The following KLHL5 variants were observed in gnomAD, a reference collection of about 807,000 sequenced individuals.
KLHL5 encodes kelch-like protein 5.
KLHL5 carries 48 observed loss-of-function variants against 77.7 expected under a neutral mutation model. The observed-to-expected ratio is 0.62, with a 90% confidence interval of 0.49 to 0.79. KLHL5 has a LOEUF of 0.79. Among genes scored for constraint, KLHL5 ranks in the 30% least tolerant of loss-of-function variants. KLHL5 has a pLI of 0.00. For synonymous variants in KLHL5, 260 were observed against 297.0 expected (o/e 0.88, Z 1.28); for missense variants, 723 against 859.7 (o/e 0.84, Z 1.99).
chr4:39,073,684 G>A (rs899931113), intron 1 of KLHL5, among the ~76,000 whole-genome samples: 23 of 151,598 alleles, frequency 1.5e-4, no homozygotes, highest in African/African-American at 3.6e-4. Context: ...TCACTCTGTC[G>A]CCCAGGCTGG....
At chr4:39,130,574 T>C (rs1723760977), downstream of KLHL5, among the ~76,000 whole-genome samples, 1 of 152,112 alleles carries the variant, frequency 6.6e-6, no homozygotes, top group South Asian at 2.1e-4. Context: ...TTAAAATACA[T>C]AGATGCCTGC....
In KLHL5 at chr4:39,072,261, G is replaced by A. The variant is rs112470899; in HGVS notation, c.384-3704G>A. Among the ~76,000 whole-genome samples the A allele has an allele frequency of 5.8e-3, 873 of 151,260 alleles. 9 individuals carry two copies. The highest frequency in any genetic ancestry group is 0.02 in the African/African-American group (828 of 40,604). On this transcript the variant is annotated intron_variant, in intron 1 of 10. Coordinates refer to ENST00000504108, the MANE Select transcript of KLHL5 (RefSeq NM_015990.5). ...CTACTAACAATAGCTTTCCTTGATT[G>A]TGTACTAATCTGCACTAGGGCTGTG...
intron 6 of KLHL5, among the ~76,000 whole-genome samples, chr4:39,099,234 G>A (rs1421832700): frequency 6.6e-6 from 1 of 152,164 alleles, no homozygotes; most frequent in Non-Finnish European, 1.5e-5. Flanking sequence ...GTTGCAGTGA[G>A]CTGAAATCAT....
At chr4:39,139,214 G>A in the KLHL5 span, among the ~76,000 whole-genome samples, 5 of 149,892 alleles carry the variant, frequency 3.3e-5, no homozygotes, top group South Asian at 2.1e-4. Context: ...TCCAGGAGAC[G>A]GAGGTTGCAG....
intron 1 of KLHL5, among the ~76,000 whole-genome samples, chr4:39,075,009 T>TCA (rs983539477): frequency 3.3e-5 from 5 of 152,168 alleles, no homozygotes; most frequent in African/African-American, 1.2e-4. Flanking sequence ...TTTCACTTTT[T>TCA]CACAGTTTTT....
At chr4:39,066,691 G>A (rs1577651944) in intron 1 of KLHL5, among the ~76,000 whole-genome samples, 8 of 152,140 alleles carry the variant, frequency 5.3e-5, no homozygotes, top group Admixed American at 5.2e-4. Flanking sequence ...GAGCATCTGT[G>A]TTAAAAAATA....
intron 1 of KLHL5, among the ~76,000 whole-genome samples, chr4:39,047,602 T>TC (rs573036202): frequency 7.2e-5 from 11 of 152,156 alleles, no homozygotes; most frequent in Non-Finnish European, 1.6e-4. Context: ...AACACTACTT[T>TC]CCCCCGAATT....
At chr4:39,075,077 A>G (rs1718880054) in intron 1 of KLHL5, among the ~76,000 whole-genome samples, 1 of 152,122 alleles carries the variant, frequency 6.6e-6, no homozygotes, top group African/African-American at 2.4e-5. Flanking sequence ...CACACCTGTA[A>G]CCCTAGCACT....
At chr4:39,134,070 G>A in the KLHL5 span, 2 of 152,116 alleles carry the variant, frequency 1.3e-5, no homozygotes, top group African/African-American at 4.8e-5. Flanking sequence ...AGCTTCCAAT[G>A]ATAAGAAAGT....
intron 1 of KLHL5, among the ~76,000 whole-genome samples, chr4:39,046,543 G>A (rs1003529432): frequency 3.9e-5 from 6 of 152,154 alleles, no homozygotes; most frequent in African/African-American, 1.4e-4. Context: ...GAGCTCAGGG[G>A]TTCAAGACCA....
intron 8 of KLHL5, among the ~76,000 whole-genome samples, chr4:39,109,891 G>A (rs1237635859): frequency 5.3e-5 from 8 of 151,576 alleles, no homozygotes; most frequent in South Asian, 4.2e-4. Context: ...TTACCATGTC[G>A]GCCAGGCTGG....
Position 39,062,862 on chromosome 4 carries a change from G to A in KLHL5, c.210G>A (p.Arg70=). The change falls in exon 1 of 11, where the codon AGG becomes AGA. Residue 70 remains arginine (R), a synonymous_variant. Coordinates refer to ENST00000504108, the MANE Select transcript of KLHL5 (RefSeq NM_015990.5). ...CTTTGGCTTCAATTGGTTACCGAAG[G>A]TCCAGCCAACTGGATTTTCAGAATT... ...QLPLASIGYR[R]SSQLDFQNSP... 6.2e-7 allele frequency: 1 copy of A among 1,614,144 alleles called. No homozygotes were observed. The highest frequency in any genetic ancestry group is 1.1e-5 in the South Asian group (1 of 91,082).
rs540466952 is a variant in KLHL5, at chr4:39,055,060, A to C, written c.-94-7499A>C. Among the ~76,000 whole-genome samples, 168 of 152,364 alleles carry C rather than the reference A, an allele frequency of 1.1e-3. 2 individuals carry two copies. Among genetic ancestry groups the C allele is most frequent in the Middle Eastern group, 6.8e-3 (2 of 294 alleles). On this transcript the variant is annotated intron_variant, in intron 1 of 11. Coordinates refer to the KLHL5 transcript ENST00000261425. ...TGGGATGCCTCTATATAAATGAGTT[A>C]TTTTAAAAATTCTATCAAGTTGGAT... is the stretch of plus-strand genomic sequence containing the variant.
chr4:39,073,857 G>A lies in KLHL5; in HGVS notation c.384-2108G>A, dbSNP rs557278646. On this transcript the variant is annotated intron_variant, in intron 1 of 10. Transcript: ENST00000504108. ...TTTTTTTTGTATTTTTAGTAGAGAC[G>A]GGGTTTCACCATATTAGCCAGGATG... 4.7e-5 allele frequency among the ~76,000 whole-genome samples: 7 copies of A among 149,610 alleles called. No individual in the cohort carries two copies. The South Asian group carries it at 6.4e-4, about 14-fold the overall frequency.
chr4:39,071,923 TATC>T (rs1419667174), intron 1 of KLHL5, among the ~76,000 whole-genome samples: 1 of 152,204 alleles, frequency 6.6e-6, no homozygotes, highest in Non-Finnish European at 1.5e-5. Flanking sequence ...GATTTAGTGG[TATC>T]ATATAAGCAA....
Position 39,096,895 on chromosome 4 carries a change from T to A in KLHL5, c.1300+17T>A. The A allele has an allele frequency of 6.3e-7, 1 of 1,591,342 alleles. No homozygotes were observed. Among genetic ancestry groups the A allele is most frequent in the Non-Finnish European group, 8.6e-7 (1 of 1,159,978 alleles). Reference sequence around the variant, plus strand: ...CAACAAAAGGTATCAAATAATCTTTTATTTGGGGAGGGAGGACCAGAGAAA... The same window carrying A: ...CAACAAAAGGTATCAAATAATCTTTAATTTGGGGAGGGAGGACCAGAGAAA... On this transcript the variant is annotated intron_variant, in intron 6 of 10. Transcript: ENST00000504108.
In KLHL5 at chr4:39,063,052, CTGTT is replaced by C; in HGVS notation, c.383+18_383+21del. On this transcript the variant is annotated intron_variant, in intron 1 of 10. Transcript: ENST00000504108. ...TTCATGCAGGTTGATTATTTTCTTA[CTGTT>C]AGAAAAGGGGTGTGGGGGTATGGCT... is the stretch of plus-strand genomic sequence containing the variant. The C allele has an allele frequency of 6.3e-7, 1 of 1,597,186 alleles. No individual in the cohort carries two copies. Among genetic ancestry groups the C allele is most frequent in the Non-Finnish European group, 8.5e-7 (1 of 1,170,698 alleles).
intron 1 of KLHL5, among the ~76,000 whole-genome samples, chr4:39,048,744 A>G (rs1716403219): frequency 7.4e-6 from 1 of 135,738 alleles, no homozygotes; most frequent in Non-Finnish European, 1.5e-5. Flanking sequence ...TCCAGTTTCA[A>G]GTGATTCTCC....
chr4:39,045,489 A>AT (rs112883972), intron 1 of KLHL5, among the ~76,000 whole-genome samples: 42 of 149,620 alleles, frequency 2.8e-4, no homozygotes, highest in Non-Finnish European at 4.3e-4. Context: ...ACCATTTCGG[A>AT]TTTTTTTTTT....
Sources: allele counts gnomAD v4.1 joint callset (sites outside exome capture counted in the v4.1 genomes callset), GRCh38; gene constraint gnomAD v4.1.1; transcripts MANE v1.5; gene names NCBI Gene and HGNC (gene_info 2026-07-23, HGNC 2026-07-21).